Variants in NRCAM observed in about 807,000 individuals in gnomAD.
The protein encoded by NRCAM is neuronal cell adhesion molecule, also known as NgCAM-related cell adhesion molecule.
Under a neutral mutation model 156.5 loss-of-function variants are expected in NRCAM, and 83 were observed. That is an observed-to-expected ratio of 0.53 (90% CI 0.44 to 0.64). NRCAM has a LOEUF of 0.64. Among genes scored for constraint, NRCAM ranks in the 30% least tolerant of loss-of-function variants. NRCAM has a pLI of 0.00. For synonymous variants in NRCAM, 538 were observed against 563.9 expected (o/e 0.95, Z 0.65); for missense variants, 1,417 against 1,597.3 (o/e 0.89, Z 1.92).
intron 1 of NRCAM, among the ~76,000 whole-genome samples, chr7:108,420,039 C>CGTGTGTGTGTGT (rs35840496): frequency 4.4e-4 from 65 of 146,744 alleles, no homozygotes; most frequent in African/African-American, 1.4e-3. Context: ...TTAGTTCCAT[C>CGTGTGTGTGTGT]GTGTGTGTGT....
intron 10 of NRCAM, among the ~76,000 whole-genome samples, 159 bp from the exon 11 acceptor site, chr7:108,223,995 G>A (rs778062224): frequency 5.9e-5 from 9 of 152,042 alleles, no homozygotes; most frequent in South Asian, 4.1e-4. Context: ...CACTCTCTGC[G>A]TTATAAGTAG....
chr7:108,368,224 A>ACCCCCCACCCCCCCCCCCCC (rs2099604425), intron 2 of NRCAM, among the ~76,000 whole-genome samples: 1 of 91,058 alleles, frequency 1.1e-5, no homozygotes, highest in Non-Finnish European at 2.2e-5. Flanking sequence ...ACACTTTCAT[A>ACCCCCCACCCCCCCCCCCCC]CCCCCCCCCA....
intron 11 of NRCAM, among the ~76,000 whole-genome samples, chr7:108,215,663 T>G (rs925191426): frequency 2.0e-5 from 3 of 152,064 alleles, no homozygotes; most frequent in African/African-American, 7.2e-5. Flanking sequence ...CATTATGTAA[T>G]ACCCTTGTCT....
At chr7:108,313,430 T>C (rs1410651724) in intron 2 of NRCAM, 2 of 152,168 alleles carry the variant, frequency 1.3e-5, no homozygotes, top group Non-Finnish European at 2.9e-5. Flanking sequence ...ATTTGTGTCT[T>C]TTTGAACTTT....
At chr7:108,238,898 C>G (rs1419566711) in intron 4 of NRCAM, among the ~76,000 whole-genome samples, 1 of 151,888 alleles carries the variant, frequency 6.6e-6, no homozygotes, top group African/African-American at 2.4e-5. Flanking sequence ...TGTCTTCCCA[C>G]TGGCAGTTGC....
intron 25 of NRCAM, chr7:108,178,394 G>T: frequency 2.2e-6 from 1 of 452,244 alleles, no homozygotes; most frequent in East Asian, 5.8e-5. Context: ...TTTAAAAAGA[G>T]GCAGTACTTG....
chr7:108,355,562 T>C (rs80197183), intron 2 of NRCAM, among the ~76,000 whole-genome samples: 4,353 of 152,258 alleles, frequency 0.029, 200 homozygotes, highest in African/African-American at 0.098. Context: ...CTGAAATTAT[T>C]AAATGGAAAG....
chr7:108,260,540 C>T (rs971026988), intron 3 of NRCAM, among the ~76,000 whole-genome samples: 3 of 152,128 alleles, frequency 2.0e-5, no homozygotes, highest in African/African-American at 7.2e-5. Context: ...TAAATGGGAG[C>T]TCAGAACCAG....
chr7:108,441,726 T>C (rs1160456807), intron 1 of NRCAM, among the ~76,000 whole-genome samples: 3 of 152,182 alleles, frequency 2.0e-5, no homozygotes, highest in Admixed American at 1.3e-4. Flanking sequence ...ATGAGTATAA[T>C]AGCATAAAGC....
intron 27 of NRCAM, among the ~76,000 whole-genome samples, 190 bp from the exon 28 acceptor site, chr7:108,175,547 C>T (rs1353567716): frequency 6.6e-6 from 1 of 151,920 alleles, no homozygotes; most frequent in African/African-American, 2.4e-5. Flanking sequence ...AATCCAGTAC[C>T]AACATTTTAT....
chr7:108,249,046 C>T (rs1016391073), intron 3 of NRCAM, among the ~76,000 whole-genome samples: 3 of 152,150 alleles, frequency 2.0e-5, no homozygotes, highest in African/African-American at 7.2e-5. Flanking sequence ...ATCTATGAAT[C>T]ATTCTTTTCT....
At chr7:108,161,753 G>A (rs73412388) in intron 30 of NRCAM, among the ~76,000 whole-genome samples, 9 of 151,466 alleles carry the variant, frequency 5.9e-5, no homozygotes, top group African/African-American at 2.2e-4. Flanking sequence ...AAAAGGAAAT[G>A]CTAAAAATCA....
intron 3 of NRCAM, among the ~76,000 whole-genome samples, chr7:108,268,015 A>AGACACTGAAGCTTATATTTAGCC (rs1554430475): frequency 6.6e-6 from 1 of 152,016 alleles, no homozygotes; most frequent in Non-Finnish European, 1.5e-5. Flanking sequence ...CAGGATTTTT[A>AGACACTGAAGCTTATATTTAGCC]ATTTTCTCAT....
At chr7:108,183,884 C>A (rs553491379) in intron 22 of NRCAM, among the ~76,000 whole-genome samples, 1 of 152,156 alleles carries the variant, frequency 6.6e-6, no homozygotes, top group South Asian at 2.1e-4. Context: ...TGTGTATATG[C>A]TAGGCACTGT....
intron 3 of NRCAM, among the ~76,000 whole-genome samples, chr7:108,245,624 C>T (rs2095855166): frequency 6.6e-6 from 1 of 152,176 alleles, no homozygotes; most frequent in Non-Finnish European, 1.5e-5. Flanking sequence ...CCCCTTTCTC[C>T]CTTAGGAAGC....
At chr7:108,362,375 A>C (rs2099560844) in intron 2 of NRCAM, among the ~76,000 whole-genome samples, 1 of 152,182 alleles carries the variant, frequency 6.6e-6, no homozygotes, top group Non-Finnish European at 1.5e-5. Context: ...ATTTCAACAT[A>C]TGAATTTTGA....
At chr7:108,249,414 T>C (rs185828289) in intron 3 of NRCAM, among the ~76,000 whole-genome samples, 55 of 152,326 alleles carry the variant, frequency 3.6e-4, no homozygotes, top group Middle Eastern at 3.4e-3. Context: ...TGTTGTATTA[T>C]AAAGAACTTA....
At chr7:108,218,699 AC>A (rs2090826660) in intron 11 of NRCAM, among the ~76,000 whole-genome samples, 1 of 152,202 alleles carries the variant, frequency 6.6e-6, no homozygotes, top group South Asian at 2.1e-4. Context: ...CCTCTGGGAT[AC>A]AGCAGAGGCG....
At chr7:108,423,044 C>T (rs1461471844) in intron 1 of NRCAM, among the ~76,000 whole-genome samples, 1 of 152,022 alleles carries the variant, frequency 6.6e-6, no homozygotes, top group Non-Finnish European at 1.5e-5. Context: ...GAGTTAAAGA[C>T]AGTGGTTACC....
Sources: gnomAD v4.1 joint callset for allele counts (sites outside exome capture counted in the v4.1 genomes callset) on GRCh38, gnomAD v4.1.1 for gene constraint, MANE v1.5 for transcripts, NCBI Gene and HGNC (gene_info 2026-07-23, HGNC 2026-07-21) for gene names.